NUDCD3: variants seen among roughly 807,000 people sequenced by gnomAD.
NUDCD3 encodes NudC domain containing 3.
Under a neutral mutation model 39.7 loss-of-function variants are expected in NUDCD3, and 13 were observed. The ratio of observed to expected loss-of-function variants is 0.33; its 90% CI spans 0.21 to 0.52. The LOEUF is 0.52. Ranked by LOEUF, NUDCD3 falls within the 20% of genes least tolerant of loss-of-function variation. The pLI is 0.96. For synonymous variants in NUDCD3, 175 were observed against 172.4 expected (o/e 1.02, Z -0.12); for missense variants, 453 against 458.1 (o/e 0.99, Z 0.10).
At chr7:44,438,230 C>T (rs1799503136) in intron 2 of NUDCD3, among the ~76,000 whole-genome samples, 1 of 151,992 alleles carries the variant, frequency 6.6e-6, no homozygotes, top group Non-Finnish European at 1.5e-5. Context: ...AGTATCTTAC[C>T]TTAGTCTTTA....
At chr7:44,419,112 G>C (rs1041460295) in intron 3 of NUDCD3, among the ~76,000 whole-genome samples, 1 of 152,142 alleles carries the variant, frequency 6.6e-6, no homozygotes, top group African/African-American at 2.4e-5. Flanking sequence ...AAAGGAGGCT[G>C]AAGCCAGGGA....
At chr7:44,389,721 G>A (rs1000716453) in intron 5 of NUDCD3, among the ~76,000 whole-genome samples, 5 of 152,172 alleles carry the variant, frequency 3.3e-5, no homozygotes, top group African/African-American at 1.2e-4. Context: ...CCAATAGAGG[G>A]GTGAGACTAT....
Position 44,392,482 on chromosome 7 carries a change from T to C in NUDCD3, c.790A>G (p.Asn264Asp), listed in dbSNP as rs1280042105. The change falls in exon 5 of 6, where the codon AAC (asparagine) becomes GAC (aspartate). Residue 264 changes from asparagine to aspartate, a missense_variant. Physicochemically the swap from Asn to Asp is conservative, Grantham distance 23. Transcript: ENST00000355451. ...CAATACTCGCCCACCTTGCTCAGGT[T>C]CACCTGGGGACAAGCAGGACAGAGA... ...SLEPGKCVLV[N>D]LSKVGEYWWN... 1.2e-6 allele frequency: 2 copies of C among 1,613,822 alleles called. No individual in the cohort carries two copies. Among genetic ancestry groups the C allele is most frequent in the Non-Finnish European group, 8.5e-7 (1 of 1,179,802 alleles).
intron 2 of NUDCD3, among the ~76,000 whole-genome samples, chr7:44,469,605 G>C (rs1800210079): frequency 6.6e-6 from 1 of 152,038 alleles, no homozygotes; most frequent in Admixed American, 6.6e-5. Flanking sequence ...TTACAAAAAG[G>C]AACACAGTAA....
At chr7:44,467,994 G>GT (rs1800157628) in intron 2 of NUDCD3, 1 of 1,612,526 alleles carries the variant, frequency 6.2e-7, no homozygotes, top group Non-Finnish European at 8.5e-7. Context: ...AAAATTAAGC[G>GT]TAACTGGCGG....
intron 2 of NUDCD3, among the ~76,000 whole-genome samples, chr7:44,442,720 G>C (rs1217730750): frequency 1.6e-5 from 2 of 123,990 alleles, no homozygotes; most frequent in Non-Finnish European, 3.2e-5. Context: ...TTTTGAGACA[G>C]AGTCTCACTC....
intron 3 of NUDCD3, among the ~76,000 whole-genome samples, chr7:44,419,146 G>A (rs889356166): frequency 2.0e-5 from 3 of 152,164 alleles, no homozygotes; most frequent in Non-Finnish European, 2.9e-5. Flanking sequence ...CGAGCTTGGT[G>A]GGGGGAAGGG....
At chr7:44,449,186 G>C (rs1799744454) in intron 2 of NUDCD3, among the ~76,000 whole-genome samples, 1 of 152,204 alleles carries the variant, frequency 6.6e-6, no homozygotes, top group Admixed American at 6.5e-5. Context: ...CCACGTTTAA[G>C]GGGTGGAAAC....
intron 2 of NUDCD3, among the ~76,000 whole-genome samples, chr7:44,461,508 TA>T (rs1323998679): frequency 2.0e-5 from 3 of 152,184 alleles, no homozygotes; most frequent in African/African-American, 7.2e-5. Context: ...TCATAAAGAC[TA>T]AATCATTTCC....
intron 2 of NUDCD3, among the ~76,000 whole-genome samples, chr7:44,430,647 A>G (rs1799346445): frequency 6.6e-6 from 1 of 151,968 alleles, no homozygotes; most frequent in Non-Finnish European, 1.5e-5. Flanking sequence ...ATCAGGGAGT[A>G]AACATGAAGA....
intron 3 of NUDCD3, among the ~76,000 whole-genome samples, chr7:44,409,309 G>A (rs544611239): frequency 9.2e-5 from 14 of 152,192 alleles, no homozygotes; most frequent in East Asian, 3.9e-4. Context: ...GAAGCCCCTC[G>A]ACAAAAACAG....
At chr7:44,453,356 A>AAAAT (rs558104012) in intron 2 of NUDCD3, among the ~76,000 whole-genome samples, 352 of 151,832 alleles carry the variant, frequency 2.3e-3, no homozygotes, top group Middle Eastern at 0.017. Context: ...TCATCTCAAA[A>AAAAT]AAATAAATAA....
At chr7:44,439,089 G>A (rs1465579192) in intron 2 of NUDCD3, among the ~76,000 whole-genome samples, 1 of 152,154 alleles carries the variant, frequency 6.6e-6, no homozygotes, top group Non-Finnish European at 1.5e-5. Flanking sequence ...GCAGGAGGAG[G>A]AGTAGCGAGT....
intron 2 of NUDCD3, among the ~76,000 whole-genome samples, chr7:44,443,870 G>A (rs534673113): frequency 3.9e-5 from 6 of 152,304 alleles, no homozygotes; most frequent in African/African-American, 1.4e-4. Context: ...GTGGTTTACT[G>A]TAAAGTCAGT....
At chr7:44,411,876 T>C (rs1008615750) in intron 3 of NUDCD3, among the ~76,000 whole-genome samples, 1 of 152,202 alleles carries the variant, frequency 6.6e-6, no homozygotes, top group Non-Finnish European at 1.5e-5. Context: ...AGGGAAAGAT[T>C]GGAGGTACAA....
chr7:44,462,802 G>A (rs1009100630), intron 2 of NUDCD3, among the ~76,000 whole-genome samples: 1 of 152,154 alleles, frequency 6.6e-6, no homozygotes, highest in Non-Finnish European at 1.5e-5. Context: ...TTTTTTGCAT[G>A]CTTTTATTAT....
intron 3 of NUDCD3, among the ~76,000 whole-genome samples, chr7:44,414,798 C>T (rs1025048602): frequency 1.1e-4 from 16 of 152,196 alleles, no homozygotes; most frequent in East Asian, 1.9e-4. Context: ...TCTAAGAACA[C>T]GTTATGGAGC....
intron 2 of NUDCD3, among the ~76,000 whole-genome samples, chr7:44,430,800 C>A (rs1799349892): frequency 6.6e-6 from 1 of 152,222 alleles, no homozygotes. Flanking sequence ...ATGGGTTCTG[C>A]CTCCTCCAGG....
intron 5 of NUDCD3, among the ~76,000 whole-genome samples, chr7:44,387,553 T>C (rs757825523): frequency 1.8e-4 from 28 of 152,170 alleles, no homozygotes; most frequent in Non-Finnish European, 2.9e-5. Flanking sequence ...AACACAAGAA[T>C]GGATGACTTC....
Sources: gnomAD v4.1 joint callset for allele counts (sites outside exome capture counted in the v4.1 genomes callset) on GRCh38, gnomAD v4.1.1 for gene constraint, MANE v1.5 for transcripts, NCBI Gene and HGNC (gene_info 2026-07-23, HGNC 2026-07-21) for gene names.